Variants in MARCHF1 observed in about 807,000 individuals in gnomAD.
MARCHF1 encodes the protein E3 ubiquitin-protein ligase MARCHF1.
MARCHF1 carries 40 observed loss-of-function variants against 54.2 expected under a neutral mutation model. That is an observed-to-expected ratio of 0.74 (90% CI 0.57 to 0.96). MARCHF1 has a LOEUF of 0.96. MARCHF1 is among the 40% of genes least tolerant of loss of function. The probability of loss-of-function intolerance (pLI) is 0.00; values close to 1 mark genes in which losing one functional copy is unlikely to be tolerated. For synonymous variants in MARCHF1, 236 were observed against 236.3 expected, an observed-to-expected ratio of 1.00 and a Z score of 0.01; for missense variants, 586 against 656.5, an observed-to-expected ratio of 0.89 and a Z score of 1.17.
intron 2 of MARCHF1, among the ~76,000 whole-genome samples, chr4:164,074,988 T>C (rs1326716526): frequency 6.6e-6 from 1 of 152,048 alleles, no homozygotes; most frequent in East Asian, 1.9e-4. Context: ...AATTTCCCTG[T>C]TTGTAATGCT....
chr4:163,826,259 G>A (rs1481084634), intron 4 of MARCHF1, among the ~76,000 whole-genome samples: 1 of 151,872 alleles, frequency 6.6e-6, no homozygotes, highest in Non-Finnish European at 1.5e-5. Context: ...TCTGACATTG[G>A]CAATTTACTT....
At chr4:164,220,782 G>GAAAT (rs1732089325) in intron 1 of MARCHF1, among the ~76,000 whole-genome samples, 1 of 140,684 alleles carries the variant, frequency 7.1e-6, no homozygotes, top group Non-Finnish European at 1.5e-5. Flanking sequence ...TTTTTTTTTG[G>GAAAT]AAATAATACT....
intron 1 of MARCHF1, among the ~76,000 whole-genome samples, chr4:164,281,917 C>T (rs530863106): frequency 1.5e-4 from 21 of 142,682 alleles, no homozygotes; most frequent in Non-Finnish European, 3.0e-4. Flanking sequence ...TCAGTCATAT[C>T]CATTAGTCTA....
At chr4:164,145,521 C>T (rs1415832841) in intron 1 of MARCHF1, among the ~76,000 whole-genome samples, 131 of 151,774 alleles carry the variant, frequency 8.6e-4, no homozygotes, top group African/African-American at 2.3e-3. Context: ...GTTCAATATA[C>T]ACAAATCAAT....
intron 1 of MARCHF1, among the ~76,000 whole-genome samples, chr4:164,158,887 A>C (rs147211922): frequency 3.2e-4 from 48 of 152,262 alleles, no homozygotes; most frequent in African/African-American, 1.1e-3. Context: ...CAGCATGAAC[A>C]TGTCTACTTC....
intron 1 of MARCHF1, among the ~76,000 whole-genome samples, chr4:164,335,407 C>T (rs1015418235): frequency 2.0e-5 from 3 of 152,042 alleles, no homozygotes. Context: ...ATGGTGAAAC[C>T]CTGTCTCTAC....
intron 3 of MARCHF1, among the ~76,000 whole-genome samples, chr4:163,980,053 C>G (rs551110408): frequency 6.7e-6 from 1 of 150,370 alleles, no homozygotes; most frequent in Admixed American, 6.7e-5. Context: ...GAGCCCGCAT[C>G]GCCAAGTCAA....
intron 5 of MARCHF1, among the ~76,000 whole-genome samples, chr4:163,627,636 G>A (rs531832683): frequency 6.6e-6 from 1 of 151,944 alleles, no homozygotes; most frequent in East Asian, 1.9e-4. Flanking sequence ...CTGACTTGGA[G>A]ATAAAGATGA....
chr4:163,536,163 C>G (rs1050588220), intron 9 of MARCHF1, among the ~76,000 whole-genome samples: 1 of 152,138 alleles, frequency 6.6e-6, no homozygotes, highest in African/African-American at 2.4e-5. Flanking sequence ...TTGCTGTAAA[C>G]TTATATTAAG....
chr4:164,074,927 T>G (rs1371946554), intron 2 of MARCHF1, among the ~76,000 whole-genome samples: 1 of 151,502 alleles, frequency 6.6e-6, no homozygotes, highest in African/African-American at 2.4e-5. Context: ...TTATAAAATA[T>G]AATTTCTTAT....
At chr4:163,688,930 T>C (rs896517061) in intron 5 of MARCHF1, among the ~76,000 whole-genome samples, 2 of 152,172 alleles carry the variant, frequency 1.3e-5, no homozygotes, top group African/African-American at 4.8e-5. Flanking sequence ...TTCCTTCTGT[T>C]GGAAAAGCAA....
At chr4:163,963,383 C>A (rs1259044527) in intron 3 of MARCHF1, among the ~76,000 whole-genome samples, 1 of 151,820 alleles carries the variant, frequency 6.6e-6, no homozygotes, top group African/African-American at 2.4e-5. Context: ...AACAAAATGA[C>A]ATAGGAATTG....
At chr4:164,358,880 A>G (rs1486551843) in intron 1 of MARCHF1, among the ~76,000 whole-genome samples, 3 of 152,138 alleles carry the variant, frequency 2.0e-5, no homozygotes, top group Non-Finnish European at 4.4e-5. Flanking sequence ...TAAAAAATGA[A>G]AACATAAAAA....
intron 1 of MARCHF1, among the ~76,000 whole-genome samples, chr4:164,172,299 CA>C (rs2110979176): frequency 1.3e-5 from 2 of 152,246 alleles, no homozygotes; most frequent in South Asian, 4.1e-4. Flanking sequence ...AGGTGGTAAA[CA>C]AGGTATACCT....
chr4:163,733,606 T>TC (rs1255602047), intron 4 of MARCHF1, among the ~76,000 whole-genome samples: 1 of 151,506 alleles, frequency 6.6e-6, no homozygotes, highest in African/African-American at 2.4e-5. Flanking sequence ...CCCTCCCCGC[T>TC]CCCCCTACCC....
chr4:163,922,187 G>A (rs550291272), intron 3 of MARCHF1, among the ~76,000 whole-genome samples: 1 of 150,772 alleles, frequency 6.6e-6, no homozygotes, highest in East Asian at 1.9e-4. Context: ...GATGCGGGGG[G>A]GAGCATCACA....
At chr4:164,189,949 T>C (rs1731080319) in intron 1 of MARCHF1, 1 of 1,552,942 alleles carries the variant, frequency 6.4e-7, no homozygotes, top group Non-Finnish European at 8.9e-7. Context: ...AAGATCACAA[T>C]TACCAATGAC....
chr4:164,109,293 C>T (rs575154010), intron 2 of MARCHF1, among the ~76,000 whole-genome samples: 24 of 151,996 alleles, frequency 1.6e-4, no homozygotes, highest in Admixed American at 7.2e-4. Context: ...ATCTGTTTTA[C>T]TTTCAAGGTC....
intron 1 of MARCHF1, among the ~76,000 whole-genome samples, chr4:164,133,466 T>C (rs1028922910): frequency 2.0e-5 from 3 of 152,208 alleles, no homozygotes; most frequent in African/African-American, 4.8e-5. Flanking sequence ...TATCATATTA[T>C]TGAATTCAAA....
Sources: allele counts gnomAD v4.1 joint callset (sites outside exome capture counted in the v4.1 genomes callset), GRCh38; gene constraint gnomAD v4.1.1; transcripts MANE v1.5; gene names NCBI Gene and HGNC (gene_info 2026-07-23, HGNC 2026-07-21).